DCBLD2: variants seen among roughly 807,000 people sequenced by gnomAD.
DCBLD2 encodes the protein discoidin, CUB and LCCL domain containing 2.
A neutral mutation model predicts 86.8 loss-of-function variants in DCBLD2; 54 were observed. That is an observed-to-expected ratio of 0.62 (90% confidence interval 0.50 to 0.78). DCBLD2 has a LOEUF of 0.78. Ranked by LOEUF, DCBLD2 falls within the 30% of genes least tolerant of loss-of-function variation. The probability of loss-of-function intolerance (pLI) is 0.00; values close to 1 mark genes in which losing one functional copy is unlikely to be tolerated. For missense variants in DCBLD2, 908 were observed against 954.2 expected (o/e 0.95, Z 0.64); for synonymous variants, 354 against 341.3 (o/e 1.04, Z -0.41).
chr3:98,855,142 T>C (rs1254528463), intron 2 of DCBLD2, among the ~76,000 whole-genome samples: 6 of 151,904 alleles, frequency 3.9e-5, no homozygotes, highest in Non-Finnish European at 7.4e-5. Context: ...AACAAATGAA[T>C]AAGAAAAAGA....
chr3:98,859,995 C>G (rs1185282408), intron 2 of DCBLD2, among the ~76,000 whole-genome samples: 3 of 152,148 alleles, frequency 2.0e-5, no homozygotes, highest in Non-Finnish European at 4.4e-5. Context: ...AGACGAATGG[C>G]TAACTAGAAT....
Position 98,822,742 on chromosome 3 carries a change from C to T in DCBLD2, c.624-1G>A. 2 of 1,586,420 alleles carry T rather than the reference C, an allele frequency of 1.3e-6. No homozygotes were observed. The highest frequency in any genetic ancestry group is 8.6e-7 in the Non-Finnish European group (1 of 1,166,382). On this transcript the variant is annotated splice_acceptor_variant, in intron 4 of 15. Coordinates refer to ENST00000326840, the MANE Select transcript of DCBLD2 (RefSeq NM_080927.4). LOFTEE classifies it high-confidence loss of function. ...CAGACAACCAGCTGGGCAGTACTTA[C>T]TGAGAAATGAAAACAAGCAAAAGGT...
At chr3:98,803,879 A>G (rs1941778265) in intron 13 of DCBLD2, among the ~76,000 whole-genome samples, 1 of 152,238 alleles carries the variant, frequency 6.6e-6, no homozygotes, top group African/African-American at 2.4e-5. Context: ...CCAGCCTGGC[A>G]TCCCAGGGAT....
chr3:98,872,310 C>T (rs1374230113), intron 2 of DCBLD2, among the ~76,000 whole-genome samples: 1 of 152,094 alleles, frequency 6.6e-6, no homozygotes, highest in Non-Finnish European at 1.5e-5. Flanking sequence ...CTCACTCTAA[C>T]AGGACTGGAT....
In DCBLD2 at chr3:98,856,957, C is replaced by T. The variant is rs143015801; in HGVS notation, c.434-7359G>A. Among the ~76,000 whole-genome samples the T allele has an allele frequency of 3.0e-4, 45 of 152,220 alleles. No homozygotes were observed. The South Asian group carries it at 3.9e-3, about 13-fold the overall frequency. On this transcript the variant is annotated intron_variant, in intron 2 of 15. Transcript: ENST00000326840. The stretch of plus-strand genomic sequence containing the variant: ...GATTCAACTGACATATAAGTGTGTC[C>T]AGAATTGGTGGGTTCTTGGTCTCAC...
intron 3 of DCBLD2, among the ~76,000 whole-genome samples, chr3:98,841,241 C>T (rs1308595385): frequency 6.6e-6 from 1 of 152,046 alleles, no homozygotes; most frequent in Non-Finnish European, 1.5e-5. Context: ...GAAGGCAAGC[C>T]AATAATCAAT....
rs771403189 is a variant in DCBLD2 at position 98,820,206 on chromosome 3, T to C, written c.871+42A>G. The C allele has an allele frequency of 1.2e-5, 16 of 1,293,588 alleles. No homozygotes were observed. The African/African-American group carries it at 1.6e-4, about 13-fold the overall frequency. 80.1% of individuals were successfully genotyped at this position (1,293,588 alleles called of 1,614,324 possible). A position where few individuals can be genotyped will look rare whatever the true frequency, so the allele number is the denominator to read the frequency against. ...ACAGTGCCTAACAGTGTTCAAAAAATATTATATAAATAAAAAATTATAAAG... is the reference window on the plus strand; with the variant it reads ...ACAGTGCCTAACAGTGTTCAAAAAACATTATATAAATAAAAAATTATAAAG... On this transcript the variant is annotated intron_variant, in intron 7 of 15. Transcript: ENST00000326840.
At chr3:98,810,543 T>C (rs986981682) in intron 12 of DCBLD2, among the ~76,000 whole-genome samples, 2 of 152,216 alleles carry the variant, frequency 1.3e-5, no homozygotes, top group Non-Finnish European at 2.9e-5. Flanking sequence ...ACTATGACAC[T>C]GACACTTTTT....
intron 4 of DCBLD2, among the ~76,000 whole-genome samples, chr3:98,824,879 C>T (rs1004525762): frequency 3.3e-5 from 5 of 151,944 alleles, no homozygotes; most frequent in South Asian, 2.1e-4. Flanking sequence ...AATAGGAACT[C>T]GATTAGAAGT....
intron 1 of DCBLD2, chr3:98,890,579 A>T (rs1943642546): frequency 1.3e-5 from 2 of 152,248 alleles, no homozygotes; most frequent in South Asian, 4.1e-4. Flanking sequence ...CTGAGCTGCC[A>T]AAAGCCAATG....
At chr3:98,804,203 A>G (rs1379008283) in intron 13 of DCBLD2, among the ~76,000 whole-genome samples, 1 of 152,004 alleles carries the variant, frequency 6.6e-6, no homozygotes, top group African/African-American at 2.4e-5. Context: ...GTAGGCTATT[A>G]ATTATTGCCT....
At position 98,811,585 on chromosome 3, in the gene DCBLD2, T is replaced by G. The variant is rs748743777; in HGVS notation, c.1364-31A>C. 6.5e-6 allele frequency: 10 copies of G among 1,540,852 alleles called. No homozygotes were observed. The Admixed American group carries it at 2.0e-4, about 31-fold the overall frequency. ...AAAATGGTTTAGAAAAATTTAAACA[T>G]TTTGTTTTTAAAAATCATAATTAAA... On this transcript the variant is annotated intron_variant, in intron 10 of 15. Coordinates refer to ENST00000326840, the MANE Select transcript of DCBLD2 (RefSeq NM_080927.4).
intron 2 of DCBLD2, among the ~76,000 whole-genome samples, chr3:98,856,499 T>C (rs1386208688): frequency 1.3e-5 from 2 of 151,998 alleles, no homozygotes; most frequent in South Asian, 2.1e-4. Flanking sequence ...TACTTAAAAA[T>C]ACACAGTATA....
At chr3:98,870,279 A>G (rs183288267) in intron 2 of DCBLD2, among the ~76,000 whole-genome samples, 13 of 152,158 alleles carry the variant, frequency 8.5e-5, no homozygotes, top group African/African-American at 3.1e-4. Flanking sequence ...TGGGTTCTCT[A>G]TTCTGTTTCA....
At position 98,901,432 on chromosome 3, in the gene DCBLD2, G is replaced by A; in HGVS notation, c.-106C>T. The A allele has an allele frequency of 1.7e-6, 2 of 1,161,676 alleles. No homozygotes were observed. Among genetic ancestry groups the A allele is most frequent in the Non-Finnish European group, 2.2e-6 (2 of 921,620 alleles). 72.0% of individuals were successfully genotyped at this position (1,161,676 alleles called of 1,614,324 possible). A position where few individuals can be genotyped will look rare whatever the true frequency, so the allele number is the denominator to read the frequency against. On this transcript the variant is annotated 5_prime_UTR_variant, in exon 1 of 16. Transcript: ENST00000326840. ...GACGGCGGCAGCGGCGGGAGAACAA[G>A]AGGCAGCCCTCGCCTCACCCCGCGC...
At chr3:98,846,989 A>G (rs1446906713) in intron 3 of DCBLD2, among the ~76,000 whole-genome samples, 1 of 151,014 alleles carries the variant, frequency 6.6e-6, no homozygotes, top group Non-Finnish European at 1.5e-5. Flanking sequence ...TAAGAAACTT[A>G]ATGAAAATAA....
intron 2 of DCBLD2, among the ~76,000 whole-genome samples, chr3:98,877,739 T>G (rs1297067726): frequency 6.6e-6 from 1 of 152,174 alleles, no homozygotes; most frequent in Non-Finnish European, 1.5e-5. Flanking sequence ...CAGGGTTCCC[T>G]GAAGAAATGG....
At chr3:98,832,369 G>C (rs1050990976) in intron 3 of DCBLD2, among the ~76,000 whole-genome samples, 1 of 152,114 alleles carries the variant, frequency 6.6e-6, no homozygotes, top group African/African-American at 2.4e-5. Context: ...GCGTATCATT[G>C]GGTCTTGCTT....
At chr3:98,804,483 T>C (rs987819413) in intron 13 of DCBLD2, among the ~76,000 whole-genome samples, 1 of 152,180 alleles carries the variant, frequency 6.6e-6, no homozygotes, top group Admixed American at 6.5e-5. Flanking sequence ...TTTGTTGATC[T>C]TTTCAAAAAA....
Sources: allele counts gnomAD v4.1 joint callset (sites outside exome capture counted in the v4.1 genomes callset), GRCh38; gene constraint gnomAD v4.1.1; transcripts MANE v1.5; gene names NCBI Gene and HGNC (gene_info 2026-07-23, HGNC 2026-07-21).